The following ARHGEF9 variants were observed in gnomAD, a reference collection of about 807,000 sequenced individuals.
ARHGEF9 encodes the protein Cdc42 guanine nucleotide exchange factor 9, also known as rho guanine nucleotide exchange factor 9.
Under a neutral mutation model 41.3 loss-of-function variants are expected in ARHGEF9, and 2 were observed. The observed-to-expected ratio is 0.05, with a 90% CI of 0.02 to 0.15. The LOEUF (loss-of-function observed/expected upper bound fraction) is 0.15. ARHGEF9 is among the 10% of genes least tolerant of loss of function. The pLI is 1.00. For synonymous variants in ARHGEF9, 160 were observed against 154.4 expected, an observed-to-expected ratio of 1.04 and a Z score of -0.27; for missense variants, 225 against 424.7, an observed-to-expected ratio of 0.53 and a Z score of 4.13.
intron 1 of ARHGEF9, chrX:63,725,578 A>C (rs782762981): frequency 9.6e-6 from 1 of 104,510 alleles, no homozygotes; most frequent in Non-Finnish European, 1.9e-5. Context: ...CATCTATTCC[A>C]CTGCCATACC....
At chrX:63,657,109 A>G (rs1470693568) in intron 7 of ARHGEF9, 1 of 111,964 alleles carries the variant, frequency 8.9e-6, no homozygotes, top group African/African-American at 3.2e-5. Context: ...GAAGGCCCCT[A>G]TGAGTCCTGT....
At chrX:63,675,839 G>A (rs782367441) in intron 5 of ARHGEF9, among the ~76,000 whole-genome samples, 2 of 111,651 alleles carry the variant, frequency 1.8e-5, no homozygotes, top group African/African-American at 6.5e-5. Context: ...TTGATAGTGA[G>A]ATCTCAGCCA....
At chrX:63,673,114 C>CT (rs1180004861) in intron 6 of ARHGEF9, among the ~76,000 whole-genome samples, 2 of 111,891 alleles carry the variant, frequency 1.8e-5, no homozygotes, top group African/African-American at 3.3e-5. Context: ...AGGAAAGTGA[C>CT]TTTTTTCTGG....
At chrX:63,695,180 G>A (rs1237929604) in intron 4 of ARHGEF9, among the ~76,000 whole-genome samples, 1 of 112,097 alleles carries the variant, frequency 8.9e-6, no homozygotes, top group Admixed American at 9.4e-5. Flanking sequence ...CAGACATCTA[G>A]TGGCTAGAGA....
At chrX:63,721,010 C>A (rs1192692562) in intron 2 of ARHGEF9, among the ~76,000 whole-genome samples, 2 of 111,483 alleles carry the variant, frequency 1.8e-5, no homozygotes, top group Non-Finnish European at 3.8e-5. Flanking sequence ...CAGTTGGACA[C>A]AGGTGCCCAC....
chrX:63,653,029 A>T (rs1305862710), intron 8 of ARHGEF9, among the ~76,000 whole-genome samples: 8 of 111,638 alleles, frequency 7.2e-5, no homozygotes, highest in Non-Finnish European at 1.3e-4. Flanking sequence ...AAGCCTGCAG[A>T]ACTGTGAGTC....
intron 1 of ARHGEF9, among the ~76,000 whole-genome samples, chrX:63,741,698 C>T (rs1556426534): frequency 1.8e-5 from 2 of 112,549 alleles, no homozygotes; most frequent in Non-Finnish European, 3.8e-5. Flanking sequence ...ACAATTGTGC[C>T]TTATATGCAT....
intron 4 of ARHGEF9, among the ~76,000 whole-genome samples, chrX:63,694,505 T>A (rs1347531964): frequency 1.8e-5 from 2 of 112,291 alleles, no homozygotes; most frequent in Non-Finnish European, 3.8e-5. Flanking sequence ...TGCAATGGAG[T>A]GCTACTAAGC....
intron 1 of ARHGEF9, among the ~76,000 whole-genome samples, chrX:63,769,380 G>A (rs1269311220): frequency 9.1e-6 from 1 of 109,996 alleles, no homozygotes; most frequent in East Asian, 2.8e-4. Flanking sequence ...AAGACATTCA[G>A]TTTTATAATA....
At chrX:63,776,011 A>G (rs1174111389) in intron 1 of ARHGEF9, among the ~76,000 whole-genome samples, 1 of 110,817 alleles carries the variant, frequency 9.0e-6, no homozygotes, top group Non-Finnish European at 1.9e-5. Flanking sequence ...CCCCCTACTC[A>G]ATACTAAGCT....
chrX:63,643,766 T>G (rs2047805173), intron 9 of ARHGEF9, among the ~76,000 whole-genome samples: 1 of 110,761 alleles, frequency 9.0e-6, no homozygotes, highest in Non-Finnish European at 1.9e-5. Context: ...CTATACTCAA[T>G]GAGCTATCTT....
At chrX:63,778,118 C>A (rs1286501204) in intron 1 of ARHGEF9, among the ~76,000 whole-genome samples, 1 of 112,957 alleles carries the variant, frequency 8.9e-6, no homozygotes, top group East Asian at 2.8e-4. Context: ...GCATTGAACT[C>A]CTTCCTGGAC....
At chrX:63,773,693 A>G (rs1256183227) in intron 1 of ARHGEF9, among the ~76,000 whole-genome samples, 1 of 112,072 alleles carries the variant, frequency 8.9e-6, no homozygotes, top group Non-Finnish European at 1.9e-5. Context: ...TAGCATTTGA[A>G]TCAGTAGACA....
chrX:63,761,725 A>G (rs2056037758), intron 1 of ARHGEF9, among the ~76,000 whole-genome samples: 1 of 111,581 alleles, frequency 9.0e-6, no homozygotes, highest in Non-Finnish European at 1.9e-5. Context: ...CTTTTCCCTC[A>G]AGAAAAACTG....
chrX:63,762,011 G>A (rs1259703752), intron 1 of ARHGEF9, among the ~76,000 whole-genome samples: 1 of 111,348 alleles, frequency 9.0e-6, no homozygotes, highest in Non-Finnish European at 1.9e-5. Context: ...ATCTTTCTGG[G>A]GTAGCTAAAG....
intron 1 of ARHGEF9, among the ~76,000 whole-genome samples, chrX:63,755,607 C>G (rs1436846518): frequency 1.2e-4 from 13 of 111,534 alleles, no homozygotes; most frequent in African/African-American, 4.2e-4. Flanking sequence ...GGGGGAAAAA[C>G]GGATAGGTAG....
chrX:63,660,602 C>A (rs1180559426), intron 7 of ARHGEF9, among the ~76,000 whole-genome samples: 2 of 111,962 alleles, frequency 1.8e-5, no homozygotes, highest in Non-Finnish European at 3.8e-5. Flanking sequence ...AATGGCAGAG[C>A]TTGGCTTTGG....
intron 8 of ARHGEF9, among the ~76,000 whole-genome samples, chrX:63,646,061 C>A (rs1314653130): frequency 9.0e-6 from 1 of 111,694 alleles, no homozygotes; most frequent in African/African-American, 3.3e-5. Context: ...CCTTCACCCA[C>A]TTGTTGATGG....
At chrX:63,676,686 C>T (rs1302828303) in intron 5 of ARHGEF9, among the ~76,000 whole-genome samples, 2 of 112,050 alleles carry the variant, frequency 1.8e-5, no homozygotes, top group Non-Finnish European at 3.8e-5. Context: ...GACCCATTTT[C>T]TGCCCCTGTA....
Sources: allele counts gnomAD v4.1 joint callset (sites outside exome capture counted in the v4.1 genomes callset), GRCh38; gene constraint gnomAD v4.1.1; transcripts MANE v1.5; gene names NCBI Gene and HGNC (gene_info 2026-07-23, HGNC 2026-07-21).